GLRX3: variants seen among roughly 807,000 people sequenced by gnomAD.
The protein encoded by GLRX3 is glutaredoxin-3.
Under a neutral mutation model 49.5 loss-of-function variants are expected in GLRX3, and 22 were observed. That is an observed-to-expected ratio of 0.44 (90% confidence interval 0.32 to 0.63). The LOEUF is 0.63. Among genes scored for constraint, GLRX3 ranks in the 30% least tolerant of loss-of-function variants. The probability of loss-of-function intolerance (pLI) is 0.05; values close to 1 mark genes in which losing one functional copy is unlikely to be tolerated. For synonymous variants in GLRX3, 133 were observed against 140.0 expected (o/e 0.95, Z 0.35); for missense variants, 385 against 396.3 (o/e 0.97, Z 0.24).
chr10:130,151,558 TC>T (rs1271218620), intron 2 of GLRX3, among the ~76,000 whole-genome samples: 1 of 151,972 alleles, frequency 6.6e-6, no homozygotes, highest in Non-Finnish European at 1.5e-5. Flanking sequence ...TGTGTGATGT[TC>T]CCCTCCCTGT....
At chr10:130,139,193 G>T (rs918104181) in intron 1 of GLRX3, among the ~76,000 whole-genome samples, 1 of 151,904 alleles carries the variant, frequency 6.6e-6, no homozygotes, top group South Asian at 2.1e-4. Flanking sequence ...CCATTTGGAT[G>T]TTGTATCCTT....
intron 8 of GLRX3, among the ~76,000 whole-genome samples, 161 bp from the exon 9 acceptor site, chr10:130,174,706 T>C (rs1862880051): frequency 6.6e-6 from 1 of 152,252 alleles, no homozygotes; most frequent in Admixed American, 6.5e-5. Context: ...TTCTGTGTAG[T>C]ACCAGACAGA....
chr10:130,148,178 C>T (rs1192935413), intron 2 of GLRX3, among the ~76,000 whole-genome samples: 2 of 152,092 alleles, frequency 1.3e-5, no homozygotes, highest in Non-Finnish European at 2.9e-5. Context: ...ACTCTTATTG[C>T]CCAGGCTGTA....
At chr10:130,170,742 A>G (rs187459909) in intron 7 of GLRX3, among the ~76,000 whole-genome samples, 213 of 152,322 alleles carry the variant, frequency 1.4e-3, no homozygotes, top group Non-Finnish European at 2.6e-3. Flanking sequence ...ACATGGTACC[A>G]TATCTTTTCC....
chr10:130,147,446 G>C (rs1862290079), intron 2 of GLRX3, among the ~76,000 whole-genome samples: 1 of 152,160 alleles, frequency 6.6e-6, no homozygotes. Flanking sequence ...TTGTTCAAGT[G>C]CTTAAGTATC....
intron 1 of GLRX3, among the ~76,000 whole-genome samples, chr10:130,139,164 A>T (rs1862125683): frequency 6.6e-6 from 1 of 151,978 alleles, no homozygotes; most frequent in Non-Finnish European, 1.5e-5. Context: ...CAAAATGGAT[A>T]AAAGTTTAAA....
At chr10:130,175,619 C>T (rs898146964) in intron 10 of GLRX3, among the ~76,000 whole-genome samples, 2 of 152,202 alleles carry the variant, frequency 1.3e-5, no homozygotes, top group Non-Finnish European at 2.9e-5. Context: ...ATCTTGAGTC[C>T]TTCCTGATGC....
At chr10:130,156,456 A>G (rs1862472318) in intron 2 of GLRX3, among the ~76,000 whole-genome samples, 2 of 152,226 alleles carry the variant, frequency 1.3e-5, no homozygotes, top group African/African-American at 4.8e-5. Flanking sequence ...GCAGTGATCT[A>G]GGCCAAGTTA....
At chr10:130,169,161 A>G (rs933998170) in intron 6 of GLRX3, among the ~76,000 whole-genome samples, 3 of 152,050 alleles carry the variant, frequency 2.0e-5, no homozygotes, top group Non-Finnish European at 4.4e-5. Flanking sequence ...TGAATTGGTT[A>G]TTATTATTAT....
chr10:130,158,639 G>A (rs1297781671), intron 2 of GLRX3, among the ~76,000 whole-genome samples: 1 of 152,160 alleles, frequency 6.6e-6, no homozygotes, highest in East Asian at 1.9e-4. Flanking sequence ...TGGTAGTGTA[G>A]GCATGCCCTA....
intron 10 of GLRX3, among the ~76,000 whole-genome samples, chr10:130,177,054 T>C (rs944754681): frequency 6.6e-6 from 1 of 152,214 alleles, no homozygotes; most frequent in African/African-American, 2.4e-5. Flanking sequence ...GTGATATTGT[T>C]AACGTTTTTC....
At chr10:130,163,646 T>A (rs1862620418) in intron 4 of GLRX3, among the ~76,000 whole-genome samples, 1 of 152,224 alleles carries the variant, frequency 6.6e-6, no homozygotes. Context: ...AATAGATCAT[T>A]TAAGAATGTT....
At chr10:130,174,315 C>T (rs1862872883) in intron 8 of GLRX3, among the ~76,000 whole-genome samples, 1 of 152,232 alleles carries the variant, frequency 6.6e-6, no homozygotes, top group African/African-American at 2.4e-5. Flanking sequence ...GCACGGGCAG[C>T]TTCCAGGAGG....
chr10:130,168,604 C>G (rs1435008833), intron 6 of GLRX3, among the ~76,000 whole-genome samples: 1 of 152,176 alleles, frequency 6.6e-6, no homozygotes, highest in Non-Finnish European at 1.5e-5. Context: ...GCCACCACGT[C>G]CGGCTAATTC....
At chr10:130,143,858 C>G (rs745691717) in intron 1 of GLRX3, among the ~76,000 whole-genome samples, 1 of 152,000 alleles carries the variant, frequency 6.6e-6, no homozygotes, top group African/African-American at 2.4e-5. Flanking sequence ...CCAACACACC[C>G]GGCTAATTTT....
chr10:130,163,182 T>C (rs1478881681), intron 4 of GLRX3, among the ~76,000 whole-genome samples: 4 of 152,158 alleles, frequency 2.6e-5, no homozygotes, highest in Non-Finnish European at 5.9e-5. Context: ...CCCAGCACAT[T>C]GGGAGGCTGA....
chr10:130,164,536 T>C (rs1264837218), intron 4 of GLRX3, among the ~76,000 whole-genome samples: 4 of 152,196 alleles, frequency 2.6e-5, no homozygotes, highest in African/African-American at 9.6e-5. Context: ...AGGCACCTAT[T>C]CATGTCATGA....
intron 2 of GLRX3, among the ~76,000 whole-genome samples, chr10:130,157,492 C>T (rs1231915465): frequency 2.5e-4 from 1 of 3,964 alleles, no homozygotes; most frequent in African/African-American, 7.0e-4. Flanking sequence ...TGGTGGCCGC[C>T]GCCCCCCCCC....
intron 1 of GLRX3, among the ~76,000 whole-genome samples, chr10:130,142,198 C>G (rs1862188315): frequency 6.6e-6 from 1 of 152,152 alleles, no homozygotes; most frequent in Non-Finnish European, 1.5e-5. Flanking sequence ...CCTGTGGACA[C>G]TCTCCCTTCA....
Sources: allele counts gnomAD v4.1 joint callset (sites outside exome capture counted in the v4.1 genomes callset), GRCh38; gene constraint gnomAD v4.1.1; transcripts MANE v1.5; gene names NCBI Gene and HGNC (gene_info 2026-07-23, HGNC 2026-07-21).